PCDHA2: variants seen among roughly 807,000 people sequenced by gnomAD.
The protein encoded by PCDHA2 is protocadherin alpha-2.
PCDHA2 carries 58 observed loss-of-function variants against 66.0 expected under a neutral mutation model. The observed-to-expected ratio is 0.88, with a 90% CI of 0.71 to 1.09. The LOEUF (loss-of-function observed/expected upper bound fraction) is 1.09. Ranked by LOEUF, PCDHA2 falls within the 50% of genes least tolerant of loss-of-function variation. PCDHA2 has a pLI of 0.00. For missense variants in PCDHA2, 1,267 were observed against 1,242.3 expected (o/e 1.02, Z -0.30); for synonymous variants, 634 against 554.0 (o/e 1.14, Z -2.03).
intron 1 of PCDHA2, among the ~76,000 whole-genome samples, chr5:140,831,505 C>T (rs1412107675): frequency 7.1e-6 from 1 of 140,118 alleles, no homozygotes; most frequent in Non-Finnish European, 1.5e-5. Context: ...ACACGAGCAC[C>T]ACCATGCCCC....
Position 141,010,040 on chromosome 5 carries a change from C to G in PCDHA2, c.*103C>G. On this transcript the variant is annotated 3_prime_UTR_variant, in exon 4 of 4. Transcript: ENST00000526136. Reference sequence around the variant, plus strand: ...CCTTTTTCCTATCTACATGAGCCCTCTTAGAGACCTCAGAAATCTGCAGAA... The same window carrying G: ...CCTTTTTCCTATCTACATGAGCCCTGTTAGAGACCTCAGAAATCTGCAGAA... 5.6e-6 allele frequency: 9 copies of G among 1,593,642 alleles called. No individual in the cohort carries two copies. The highest frequency in any genetic ancestry group is 7.7e-6 in the Non-Finnish European group (9 of 1,170,750).
intron 1 of PCDHA2, chr5:140,829,797 G>C: frequency 6.2e-7 from 1 of 1,613,852 alleles, no homozygotes; most frequent in Admixed American, 1.7e-5. Flanking sequence ...CTGGCGCCTC[G>C]GGTGGGTGGT....
At chr5:140,849,563 G>T (rs2150440707) in intron 1 of PCDHA2, 1 of 1,598,488 alleles carries the variant, frequency 6.3e-7, no homozygotes, top group Non-Finnish European at 8.6e-7. Context: ...AAACGCTCTC[G>T]GTTCCTGTAA....
chr5:140,836,197 C>T, intron 1 of PCDHA2: 1 of 1,613,818 alleles, frequency 6.2e-7, no homozygotes, highest in Non-Finnish European at 8.5e-7. Flanking sequence ...GGCTACAACG[C>T]GTGGCTTTCG....
chr5:140,895,561 T>C (rs1011627715), intron 1 of PCDHA2, among the ~76,000 whole-genome samples: 2 of 152,240 alleles, frequency 1.3e-5, no homozygotes, highest in Non-Finnish European at 2.9e-5. Flanking sequence ...TCTTTATATA[T>C]TCTAGATGCA....
chr5:140,887,728 C>T (rs1313632263), intron 1 of PCDHA2, among the ~76,000 whole-genome samples: 1 of 151,970 alleles, frequency 6.6e-6, no homozygotes, highest in Non-Finnish European at 1.5e-5. Context: ...TTTTTCTTTC[C>T]TTCCATCCTT....
intron 1 of PCDHA2, among the ~76,000 whole-genome samples, chr5:140,904,631 G>A (rs150616068): frequency 0.029 from 4,338 of 152,074 alleles, 82 homozygotes; most frequent in Non-Finnish European, 0.044. Flanking sequence ...GTTCTTTAAG[G>A]AATCTCCACA....
At chr5:140,863,299 G>A (rs868935823) in intron 1 of PCDHA2, 1 of 1,462,780 alleles carries the variant, frequency 6.8e-7, no homozygotes, top group Admixed American at 1.8e-5. Context: ...CCTGATCATC[G>A]CCATCTGCGT....
At chr5:140,907,392 A>G (rs1362391388) in intron 1 of PCDHA2, among the ~76,000 whole-genome samples, 1 of 152,202 alleles carries the variant, frequency 6.6e-6, no homozygotes, top group Non-Finnish European at 1.5e-5. Context: ...GTCAAAGGCA[A>G]TGCTGTGTGG....
intron 3 of PCDHA2, 60 bp from the exon 4 acceptor site, chr5:141,009,567 A>T: frequency 6.3e-7 from 1 of 1,575,430 alleles, no homozygotes; most frequent in Admixed American, 1.8e-5. Flanking sequence ...CTCTACCAGC[A>T]GTGTGGCATC....
chr5:140,879,204 G>A (rs1041591784), intron 1 of PCDHA2, among the ~76,000 whole-genome samples: 3 of 152,328 alleles, frequency 2.0e-5, no homozygotes, highest in Admixed American at 6.5e-5. Flanking sequence ...AATTATGGCA[G>A]TAGAAATGAA....
At chr5:140,877,575 C>G (rs1244471489) in intron 1 of PCDHA2, 1 of 1,613,708 alleles carries the variant, frequency 6.2e-7, no homozygotes, top group East Asian at 2.2e-5. Context: ...TGTACCTCAT[C>G]ATCGCCATCT....
chr5:140,803,462 G>A (rs782807269), intron 1 of PCDHA2: 32 of 1,614,132 alleles, frequency 2.0e-5, no homozygotes, highest in Non-Finnish European at 2.5e-5. Context: ...AGCAGAGGCA[G>A]CAGAGGGTGT....
rs149770195 is a variant in PCDHA2, at chr5:140,803,255, C to T, written c.2388+5903C>T. On this transcript the variant is annotated intron_variant, in intron 1 of 3. Transcript: ENST00000526136. ...CCTCGTCCCAGGCGTCCGCTGGCGCCACGGGCCCGGAAGCTGCACTGGTGG... is the reference window on the plus strand; with the variant it reads ...CCTCGTCCCAGGCGTCCGCTGGCGCTACGGGCCCGGAAGCTGCACTGGTGG... 2.6e-4 allele frequency: 417 copies of T among 1,613,904 alleles called. No individual in the cohort carries two copies. Among genetic ancestry groups the T allele is most frequent in the Non-Finnish European group, 3.3e-4 (392 of 1,179,966 alleles).
At chr5:140,835,616 C>T in intron 1 of PCDHA2, 1 of 1,613,886 alleles carries the variant, frequency 6.2e-7, no homozygotes, top group East Asian at 2.2e-5. Context: ...TGCTGGACAG[C>T]GCTCTGGACC....
intron 1 of PCDHA2, among the ~76,000 whole-genome samples, chr5:140,915,115 A>T (rs2076990702): frequency 1.3e-5 from 2 of 151,346 alleles, no homozygotes; most frequent in African/African-American, 4.9e-5. Context: ...CACCCACCTA[A>T]TTTTTATATT....
chr5:140,835,703 C>G (rs2150242433), intron 1 of PCDHA2: 25 of 1,613,782 alleles, frequency 1.5e-5, no homozygotes, highest in African/African-American at 6.7e-5. Context: ...CCACTGCTAG[C>G]GTGTCCGTGG....
rs530119651 is a variant in PCDHA2, at chr5:140,965,991, T to A, written c.2389-12958T>A. ...CCTAGGAGTTGAGCACTTTCTGCAG[T>A]ACTTAAGAGTGTCCAGGGAAGATGT... On this transcript the variant is annotated intron_variant, in intron 1 of 3. Transcript: ENST00000526136. Among the ~76,000 whole-genome samples, 253 of 152,310 alleles carry A rather than the reference T, an allele frequency of 1.7e-3. 2 individuals carry two copies. Among genetic ancestry groups the A allele is most frequent in the Non-Finnish European group, 2.4e-3 (164 of 68,034 alleles).
At chr5:140,961,604 T>C (rs2095623962) in intron 1 of PCDHA2, among the ~76,000 whole-genome samples, 1 of 152,190 alleles carries the variant, frequency 6.6e-6, no homozygotes, top group Non-Finnish European at 1.5e-5. Context: ...TTCTAGTAAA[T>C]GAAACTAAAG....
Sources: allele counts gnomAD v4.1 joint callset (sites outside exome capture counted in the v4.1 genomes callset), GRCh38; gene constraint gnomAD v4.1.1; transcripts MANE v1.5; gene names NCBI Gene and HGNC (gene_info 2026-07-23, HGNC 2026-07-21).